Variants in TNS1 observed in about 807,000 individuals in gnomAD.
The protein encoded by TNS1 is tensin 1, also known as tensin-1.
Under a neutral mutation model 168.6 loss-of-function variants are expected in TNS1, and 62 were observed. The ratio of observed to expected loss-of-function variants is 0.37; its 90% CI spans 0.30 to 0.45. The LOEUF (loss-of-function observed/expected upper bound fraction) is 0.45, where lower values mean the gene tolerates loss of function less well. Ranked by LOEUF, TNS1 falls within the 20% of genes least tolerant of loss-of-function variation. The probability of loss-of-function intolerance (pLI) is 1.00; values close to 1 mark genes in which losing one functional copy is unlikely to be tolerated. For synonymous variants in TNS1, 934 were observed against 933.2 expected (o/e 1.00, Z -0.02); for missense variants, 2,240 against 2,339.4 (o/e 0.96, Z 0.88).
intron 18 of TNS1, chr2:217,859,677 C>G: frequency 2.6e-6 from 4 of 1,536,216 alleles, no homozygotes; most frequent in Non-Finnish European, 3.5e-6. Flanking sequence ...AATTGACTGG[C>G]TATTGGTATT....
chr2:217,855,037 G>T (rs1196047517), intron 18 of TNS1, among the ~76,000 whole-genome samples: 1 of 152,170 alleles, frequency 6.6e-6, no homozygotes, highest in African/African-American at 2.4e-5. Flanking sequence ...AGGAGCTAAG[G>T]CTCTTAAGCT....
At chr2:217,805,454 TCACAC>T (rs1938366054) in intron 32 of TNS1, among the ~76,000 whole-genome samples, 4 of 38,368 alleles carry the variant, frequency 1.0e-4, no homozygotes, top group African/African-American at 2.1e-4. Context: ...ATACACACCA[TCACAC>T]ACACCACCAC....
At position 217,813,064 on chromosome 2, in the gene TNS1, G is replaced by A. The variant is rs1022194938; in HGVS notation, c.4954+151C>T. ...TTAGGAGCCGCACTGCGGAGGGAGA[G>A]AAGCTTTCATTCATTTTCTCTGCTG... On this transcript the variant is annotated intron_variant, in intron 27 of 32. Transcript: ENST00000682258. This position sits in a 1 kb window ranked among gnomAD's most constrained non-coding sequence, Gnocchi z 4.0. 4 of 638,440 alleles carry A rather than the reference G, an allele frequency of 6.3e-6. No homozygotes were observed. The highest frequency in any genetic ancestry group is 5.5e-5 in the African/African-American group (3 of 54,816). 39.5% of individuals were successfully genotyped at this position (638,440 alleles called of 1,614,324 possible).
chr2:217,860,770 T>A (rs958776794), intron 18 of TNS1, among the ~76,000 whole-genome samples: 1 of 152,204 alleles, frequency 6.6e-6, no homozygotes, highest in African/African-American at 2.4e-5. Flanking sequence ...TTTTTTCCAA[T>A]ACACATCAAA....
chr2:217,958,607 C>T (rs752358505), intron 3 of TNS1, among the ~76,000 whole-genome samples: 27 of 152,210 alleles, frequency 1.8e-4, no homozygotes, highest in Admixed American at 3.9e-4. Flanking sequence ...TAACCATGTC[C>T]ATCTTACAGA....
intron 19 of TNS1, among the ~76,000 whole-genome samples, chr2:217,837,167 C>G (rs996198987): frequency 2.6e-5 from 4 of 152,172 alleles, no homozygotes; most frequent in African/African-American, 7.2e-5. Context: ...GCTTTCACCA[C>G]CACTAGGACT....
intron 3 of TNS1, chr2:217,937,126 G>C: frequency 9.3e-6 from 4 of 431,200 alleles, no homozygotes; most frequent in South Asian, 6.6e-5. Flanking sequence ...CAGCTCACAT[G>C]AGCTGCCTCC....
chr2:217,805,513 A>ACACCCCACACACAC (rs1938529811), intron 32 of TNS1, among the ~76,000 whole-genome samples: 1 of 27,528 alleles, frequency 3.6e-5, no homozygotes, highest in Admixed American at 5.2e-4. Flanking sequence ...ACCACCACAC[A>ACACCCCACACACAC]CACCACACAC....
intron 19 of TNS1, among the ~76,000 whole-genome samples, chr2:217,843,469 C>T (rs1946254865): frequency 6.6e-6 from 1 of 152,178 alleles, no homozygotes; most frequent in Admixed American, 6.5e-5. Flanking sequence ...ACCACTCTCT[C>T]CTCTCTTATC....
At chr2:217,930,795 T>C (rs1036129216) in intron 3 of TNS1, among the ~76,000 whole-genome samples, 3 of 152,124 alleles carry the variant, frequency 2.0e-5, no homozygotes, top group African/African-American at 4.8e-5. Context: ...CAATATGGAA[T>C]GCAGGCTTCA....
At chr2:217,878,860 AGGTAGAGGGGACAGAGGGTT>A (rs1208716441) in intron 18 of TNS1, among the ~76,000 whole-genome samples, 4 of 152,218 alleles carry the variant, frequency 2.6e-5, no homozygotes, top group Non-Finnish European at 5.9e-5. Context: ...CGCTATAGGC[AGGTAGAGGGGACAGAGGGTT>A]GGTGAGGGAA....
chr2:217,964,449 CG>C (rs1281472800), intron 3 of TNS1, among the ~76,000 whole-genome samples: 2 of 152,210 alleles, frequency 1.3e-5, no homozygotes, highest in East Asian at 3.9e-4. Context: ...CTCAAGTCCC[CG>C]GTCCTGGTTC....
rs144345776 is a variant in TNS1, at chr2:217,941,243, C to A, written c.187-21007G>T. Among the ~76,000 whole-genome samples, 408 of 152,320 alleles carry A rather than the reference C, an allele frequency of 2.7e-3. 1 individual carries two copies. Among genetic ancestry groups the A allele is most frequent in the Admixed American group, 3.9e-3 (59 of 15,298 alleles). On this transcript the variant is annotated intron_variant, in intron 3 of 32. Transcript: ENST00000682258. Reference sequence around the variant, plus strand: ...AAGATGCCCAACATCCCAGCACCCACCCCCGGTCCTTGCACACCAGCCCCA... The same window carrying A: ...AAGATGCCCAACATCCCAGCACCCAACCCCGGTCCTTGCACACCAGCCCCA...
At chr2:218,031,195 T>C (rs1958893539) in intron 1 of TNS1, among the ~76,000 whole-genome samples, 2 of 148,674 alleles carry the variant, frequency 1.3e-5, no homozygotes, top group Non-Finnish European at 3.0e-5. Flanking sequence ...AATGTGTCTG[T>C]ATGTGTGTGA....
intron 8 of TNS1, among the ~76,000 whole-genome samples, chr2:217,897,229 C>T (rs569135829): frequency 6.4e-4 from 97 of 152,300 alleles, no homozygotes; most frequent in African/African-American, 2.2e-3. Flanking sequence ...TGGAGACCAC[C>T]GCCAGCACCT....
rs1304789801 is a variant in TNS1 at position 217,808,624 on chromosome 2, T to C, written c.5321A>G (p.Asp1774Gly). 1 of 1,613,828 alleles carries C rather than the reference T, an allele frequency of 6.2e-7. No homozygotes were observed. Among genetic ancestry groups the C allele is most frequent in the African/African-American group, 1.3e-5 (1 of 74,836 alleles). The change falls in exon 31 of 33, where the codon GAC (aspartate) becomes GGC (glycine). Residue 1774 changes from aspartate to glycine, a missense_variant. This residue lies in a region of TNS1 where 109 missense variants were observed against 168.1 expected (regional missense o/e 0.65). Transcript: ENST00000682258. ...HYPLNTVTFC[D>G]LDPQERKWMK... is the part of the protein sequence containing the mutation. ...TTACTTTCTTTCCTGTGGATCCAGG[T>C]CACAGAAGGTGACAGTGTTGAGAGG...
At chr2:217,988,561 G>A (rs1377549963) in intron 2 of TNS1, among the ~76,000 whole-genome samples, 1 of 152,214 alleles carries the variant, frequency 6.6e-6, no homozygotes, top group Non-Finnish European at 1.5e-5. Flanking sequence ...GCTAATTTAT[G>A]CATCTTCGCA....
At chr2:217,819,993 C>A (rs1942563409) in intron 23 of TNS1, among the ~76,000 whole-genome samples, 1 of 152,088 alleles carries the variant, frequency 6.6e-6, no homozygotes, top group Admixed American at 6.5e-5. Context: ...TTGGGCCAGG[C>A]AAGAGCCAAG....
intron 3 of TNS1, among the ~76,000 whole-genome samples, chr2:217,975,807 C>T (rs920446332): frequency 2.0e-5 from 3 of 152,172 alleles, no homozygotes; most frequent in African/African-American, 7.2e-5. Context: ...CTCCTCACTG[C>T]TTTTCTGGCT....
Sources: allele counts gnomAD v4.1 joint callset (sites outside exome capture counted in the v4.1 genomes callset), GRCh38; gene constraint gnomAD v4.1.1; regional missense constraint gnomAD v4.1.1; non-coding constraint Gnocchi (gnomAD v3.1); transcripts MANE v1.5; gene names NCBI Gene and HGNC (gene_info 2026-07-23, HGNC 2026-07-21).